The following LSM1 variants were observed in gnomAD, a reference collection of about 807,000 sequenced individuals.
LSM1 encodes LSM1 homolog, mRNA degradation associated, also known as U6 snRNA-associated Sm-like protein LSm1.
In LSM1, 13 loss-of-function variants were observed where a neutral mutation model predicts 18.0. That is an observed-to-expected ratio of 0.72 (90% CI 0.47 to 1.15). The LOEUF (loss-of-function observed/expected upper bound fraction) is 1.15, where lower values mean the gene tolerates loss of function less well. Ranked by LOEUF, LSM1 falls within the 50% of genes most tolerant of loss-of-function variation. The probability of loss-of-function intolerance (pLI) is 0.00; values close to 1 mark genes in which losing one functional copy is unlikely to be tolerated. For missense variants in LSM1, 152 were observed against 157.7 expected (o/e 0.96, Z 0.19); for synonymous variants, 46 against 56.0 (o/e 0.82, Z 0.80).
At chr8:38,176,641 A>T (rs1374926073), upstream of LSM1, 19 of 573,296 alleles carry the variant, frequency 3.3e-5, no homozygotes. Flanking sequence ...ACTCCCTCTT[A>T]AGGAACACGG....
Position 38,176,467 on chromosome 8 carries a change from G to C in LSM1, c.-147C>G. On this transcript the variant is annotated 5_prime_UTR_variant, in exon 1 of 4. Coordinates refer to ENST00000311351, the MANE Select transcript of LSM1 (RefSeq NM_014462.3). ...ACTTCTGCCCCGGCTTTCAGCCGCC[G>C]GGGGCTGCCGGAAGCTCCTCCATAT... 3.1e-6 allele frequency: 2 copies of C among 651,376 alleles called. No homozygotes were observed. Among genetic ancestry groups the C allele is most frequent in the Non-Finnish European group, 5.3e-6 (2 of 375,200 alleles). 40.3% of individuals were successfully genotyped at this position (651,376 alleles called of 1,614,324 possible). A position where few individuals can be genotyped will look rare whatever the true frequency, so the allele number is the denominator to read the frequency against.
In LSM1 at chr8:38,163,637, C is replaced by G; in HGVS notation, c.*33G>C. On this transcript the variant is annotated 3_prime_UTR_variant, in exon 4 of 4. Transcript: ENST00000311351. Reference sequence around the variant, plus strand: ...CACTTTCACTCAGTGACAGCCCCTACTCTTCAAGAGCCAACAGCCTCTGGG... The same window carrying G: ...CACTTTCACTCAGTGACAGCCCCTAGTCTTCAAGAGCCAACAGCCTCTGGG... 1 of 1,606,558 alleles carries G rather than the reference C, an allele frequency of 6.2e-7. No individual in the cohort carries two copies. The highest frequency in any genetic ancestry group is 1.8e-4 in the Middle Eastern group (1 of 5,694).
chr8:38,171,878 G>A, intron 2 of LSM1, 87 bp downstream of exon 2: 2 of 1,011,260 alleles, frequency 2.0e-6, no homozygotes, highest in South Asian at 1.4e-5. Flanking sequence ...AAAAGTTGCA[G>A]ATAAATTTCA....
At chr8:38,165,018 C>T (rs1382408918) in intron 3 of LSM1, among the ~76,000 whole-genome samples, 1 of 152,076 alleles carries the variant, frequency 6.6e-6, no homozygotes, top group African/African-American at 2.4e-5. Context: ...GGTTACTAAA[C>T]CAATTTGGTC....
intron 3 of LSM1, among the ~76,000 whole-genome samples, chr8:38,168,027 T>TCTCGA (rs1179744929): frequency 1.3e-5 from 2 of 151,394 alleles, no homozygotes; most frequent in Admixed American, 6.6e-5. Flanking sequence ...ACTGGCACGA[T>TCTCGA]CTCGACTCAC....
In LSM1 at chr8:38,163,431, TG is replaced by T; in HGVS notation, c.*238del. ...AAGAACAATATAAAGAAGTAGTTGC[TG>T]GTGCCACAGTGATGTGTGAAGGAGT... On this transcript the variant is annotated 3_prime_UTR_variant, in exon 4 of 4. Transcript: ENST00000311351. 1 of 393,168 alleles carries T rather than the reference TG, an allele frequency of 2.5e-6. No individual in the cohort carries two copies. Among genetic ancestry groups the T allele is most frequent in the East Asian group, 3.9e-5 (1 of 25,858 alleles). 24.4% of individuals were successfully genotyped at this position (393,168 alleles called of 1,614,324 possible). A position where few individuals can be genotyped will look rare whatever the true frequency, so the allele number is the denominator to read the frequency against.
upstream of LSM1, chr8:38,176,692 C>CT (rs1803155735): frequency 2.6e-5 from 20 of 780,964 alleles, no homozygotes; most frequent in Admixed American, 7.1e-4. Context: ...CCCAGAGTCA[C>CT]TGACCTCCGT....
intron 1 of LSM1, 99 bp from the exon 2 acceptor site, chr8:38,172,132 AATGC>A: frequency 1.3e-6 from 1 of 795,304 alleles, no homozygotes; most frequent in Admixed American, 2.4e-5. Flanking sequence ...TTCCTCGGCC[AATGC>A]ATTTAATGTG....
At chr8:38,176,082 G>A (rs955745514) in intron 1 of LSM1, 193 bp downstream of exon 1, 9 of 496,828 alleles carry the variant, frequency 1.8e-5, no homozygotes, top group Non-Finnish European at 2.9e-5. Flanking sequence ...AGGGGCAGAA[G>A]TAGCAGCAGG....
At chr8:38,176,051 A>C in intron 1 of LSM1, 2 of 463,376 alleles carry the variant, frequency 4.3e-6, no homozygotes, top group East Asian at 3.7e-5. Context: ...CTCACCAGCT[A>C]GAGGGCTGGC....
chr8:38,176,016 C>T, intron 1 of LSM1: 1 of 406,668 alleles, frequency 2.5e-6, no homozygotes, highest in South Asian at 4.1e-5. Flanking sequence ...TCCACGGAAG[C>T]AAGAATGAGT....
chr8:38,168,792 C>A (rs1022843619), intron 3 of LSM1, among the ~76,000 whole-genome samples: 65 of 151,874 alleles, frequency 4.3e-4, no homozygotes, highest in African/African-American at 1.5e-3. Context: ...TCATATATTT[C>A]ATATACTTCA....
intron 1 of LSM1, 67 bp downstream of exon 1, chr8:38,176,208 G>A (rs948049857): frequency 1.3e-5 from 19 of 1,423,342 alleles, no homozygotes; most frequent in Non-Finnish European, 1.9e-5. Flanking sequence ...AGCTTCTTCG[G>A]AAGAGGCGCC....
In LSM1 at chr8:38,176,287, C is replaced by T. The variant is rs1408768613; in HGVS notation, c.34G>A (p.Glu12Lys). The change falls in exon 1 of 4, where the codon GAG becomes AAG. Residue 12 changes from glutamate (E) to lysine (K), a missense_variant. Transcript: ENST00000311351. ...ATAAACTACTCACTGTCAATGTCCT[C>T]GATGAGGCTGGCGGTGCCAGGCATA... ...NYMPGTASLI[E>K]DIDKKHLVLL... 1 of 1,613,582 alleles carries T rather than the reference C, an allele frequency of 6.2e-7. No homozygotes were observed. Among genetic ancestry groups the T allele is most frequent in the Non-Finnish European group, 8.5e-7 (1 of 1,179,832 alleles).
rs777158105 is a variant in LSM1 at position 38,176,452 on chromosome 8, C to T, written c.-132G>A. On this transcript the variant is annotated 5_prime_UTR_variant, in exon 1 of 4. Coordinates refer to ENST00000311351, the MANE Select transcript of LSM1 (RefSeq NM_014462.3). Reference sequence around the variant, plus strand: ...CCGACCGAGACCAGCACTTCTGCCCCGGCTTTCAGCCGCCGGGGGCTGCCG... The same window carrying T: ...CCGACCGAGACCAGCACTTCTGCCCTGGCTTTCAGCCGCCGGGGGCTGCCG... 7.3e-5 allele frequency: 51 copies of T among 702,858 alleles called. No individual in the cohort carries two copies. The highest frequency in any genetic ancestry group is 1.2e-4 in the Non-Finnish European group (51 of 416,516). 43.5% of individuals were successfully genotyped at this position (702,858 alleles called of 1,614,324 possible).
At chr8:38,168,671 T>A (rs190713805) in intron 3 of LSM1, among the ~76,000 whole-genome samples, 144 of 151,000 alleles carry the variant, frequency 9.5e-4, no homozygotes, top group Non-Finnish European at 1.5e-3. Context: ...GAACTAAAAG[T>A]ACAAACTACA....
chr8:38,171,911 A>G (rs1803036019), intron 2 of LSM1, 54 bp downstream of exon 2: 1 of 1,320,924 alleles, frequency 7.6e-7, no homozygotes, highest in South Asian at 1.3e-5. Flanking sequence ...AAAAAATGCA[A>G]TGGGCTGCTG....
intron 1 of LSM1, among the ~76,000 whole-genome samples, chr8:38,175,040 A>AAAAG (rs1803102162): frequency 1.4e-5 from 2 of 147,570 alleles, no homozygotes; most frequent in Non-Finnish European, 3.0e-5. Flanking sequence ...AAAAAAAAAA[A>AAAAG]AAAAGAAAAG....
In LSM1 at chr8:38,170,118, T is replaced by A. The variant is rs371187393; in HGVS notation, c.116-201A>T. 1.8e-4 allele frequency among the ~76,000 whole-genome samples: 28 copies of A among 152,340 alleles called. 1 individual carries two copies. The East Asian group carries it at 2.5e-3, about 14-fold the overall frequency. Reference sequence around the variant, plus strand: ...CTGCAGTGGCGCCATCTCAGCTCACTGCAACCTCTGCCTACTGGTTCAAGC... The same window carrying A: ...CTGCAGTGGCGCCATCTCAGCTCACAGCAACCTCTGCCTACTGGTTCAAGC... On this transcript the variant is annotated intron_variant, in intron 2 of 3. Transcript: ENST00000311351.
Sources: gnomAD v4.1 joint callset for allele counts (sites outside exome capture counted in the v4.1 genomes callset) on GRCh38, gnomAD v4.1.1 for gene constraint, MANE v1.5 for transcripts, NCBI Gene and HGNC (gene_info 2026-07-23, HGNC 2026-07-21) for gene names.